CENPS: variants seen among roughly 807,000 people sequenced by gnomAD.
CENPS encodes the protein FANCM associated histone fold protein 1.
CENPS carries 16 observed loss-of-function variants against 17.9 expected under a neutral mutation model. That is an observed-to-expected ratio of 0.90 (90% CI 0.61 to 1.36). The LOEUF (loss-of-function observed/expected upper bound fraction) is 1.36. Ranked by LOEUF, CENPS falls within the 40% of genes most tolerant of loss-of-function variation. CENPS has a pLI of 0.00. For synonymous variants in CENPS, 49 were observed against 55.8 expected (o/e 0.88, Z 0.54); for missense variants, 160 against 158.6 (o/e 1.01, Z -0.05).
At chr1:10,441,841 G>T (rs1267000819) in intron 4 of CENPS, among the ~76,000 whole-genome samples, 2 of 150,206 alleles carry the variant, frequency 1.3e-5, no homozygotes, top group East Asian at 2.0e-4. Context: ...TAGCCAGGAT[G>T]GTCTCGATCT....
intron 3 of CENPS, among the ~76,000 whole-genome samples, chr1:10,435,710 T>TACACACACACACACACACACACACAC (rs778086497): frequency 2.1e-4 from 30 of 143,566 alleles, no homozygotes; most frequent in African/African-American, 7.0e-4. Context: ...ATAATATATA[T>TACACACACACACACACACACACACAC]ATATATACAC....
intron 1 of CENPS, chr1:10,431,194 A>G (rs964584138): frequency 1.5e-4 from 220 of 1,497,656 alleles, no homozygotes; most frequent in Non-Finnish European, 1.9e-4. Context: ...CGCCGGGCAT[A>G]TGGGGCGTCA....
At chr1:10,432,607 G>T (rs1639970781) in intron 1 of CENPS, among the ~76,000 whole-genome samples, 1 of 119,364 alleles carries the variant, frequency 8.4e-6, no homozygotes, top group Non-Finnish European at 1.8e-5. Flanking sequence ...GCCTCTAAGT[G>T]CAGTGATACC....
chr1:10,436,541 A>G (rs1219339683), intron 3 of CENPS, among the ~76,000 whole-genome samples: 2 of 96,188 alleles, frequency 2.1e-5, no homozygotes, highest in South Asian at 3.4e-4. Context: ...GTCTCCTAAA[A>G]TACAAAAAAA....
intron 1 of CENPS, among the ~76,000 whole-genome samples, chr1:10,433,262 G>A (rs571514452): frequency 6.6e-6 from 1 of 152,178 alleles, no homozygotes; most frequent in Non-Finnish European, 1.5e-5. Context: ...GAAAAGGTTT[G>A]CCAAGGAGCA....
chr1:10,440,619 ACT>A (rs1640366536), intron 4 of CENPS, among the ~76,000 whole-genome samples: 1 of 152,048 alleles, frequency 6.6e-6, no homozygotes, highest in South Asian at 2.1e-4. Context: ...TCTAATCAGC[ACT>A]CTCTGGATTT....
chr1:10,434,727 T>G, intron 3 of CENPS, 37 bp downstream of exon 3: 1 of 1,567,656 alleles, frequency 6.4e-7, no homozygotes, highest in Non-Finnish European at 8.6e-7. Context: ...ACTGCGTCTG[T>G]GTAGCTTTTT....
chr1:10,431,017 A>T, intron 1 of CENPS: 1 of 1,315,318 alleles, frequency 7.6e-7, no homozygotes, highest in Non-Finnish European at 9.7e-7. Context: ...CGCGGTGCGG[A>T]CCAGTCAGGC....
chr1:10,430,675 C>A, intron 1 of CENPS, 107 bp downstream of exon 1: 1 of 1,438,402 alleles, frequency 7.0e-7, no homozygotes, highest in Non-Finnish European at 9.1e-7. Flanking sequence ...ACCCCGCCCC[C>A]GGGCGCCCCC....
At chr1:10,434,044 G>A (rs981935090) in intron 2 of CENPS, 79 bp downstream of exon 2, 2 of 1,590,812 alleles carry the variant, frequency 1.3e-6, no homozygotes, top group African/African-American at 1.3e-5. Context: ...GTGGGTGGGA[G>A]CTGTGGCGAG....
chr1:10,436,952 T>A (rs964776808), intron 3 of CENPS, among the ~76,000 whole-genome samples: 1 of 152,174 alleles, frequency 6.6e-6, no homozygotes, highest in South Asian at 2.1e-4. Context: ...AAAATTGATA[T>A]TCCTGGAAGG....
At chr1:10,430,715 C>T (rs929133451) in intron 1 of CENPS, 147 bp downstream of exon 1, 3 of 1,412,114 alleles carry the variant, frequency 2.1e-6, no homozygotes, top group Non-Finnish European at 2.8e-6. Flanking sequence ...GCTTAACTGC[C>T]GCGGGTGGTG....
chr1:10,442,233 G>A (rs376453769), intron 4 of CENPS, 32 bp from the exon 5 acceptor site: 1 of 1,548,926 alleles, frequency 6.5e-7, no homozygotes, highest in Non-Finnish European at 8.6e-7. Context: ...AATGGTTACA[G>A]CCAGATATAA....
intron 4 of CENPS, among the ~76,000 whole-genome samples, chr1:10,441,203 T>G (rs1640392377): frequency 6.6e-6 from 1 of 152,100 alleles, no homozygotes; most frequent in South Asian, 2.1e-4. Flanking sequence ...TTTTTAAATT[T>G]TGGACATGCA....
chr1:10,432,322 T>C (rs992759358), intron 1 of CENPS, among the ~76,000 whole-genome samples: 33 of 151,550 alleles, frequency 2.2e-4, no homozygotes, highest in African/African-American at 7.0e-4. Flanking sequence ...TGACCTCAAG[T>C]GATCTGCCCG....
In CENPS at chr1:10,433,694, T is replaced by C. The variant is rs186912811; in HGVS notation, c.52-148T>C. The C allele has an allele frequency of 3.5e-5, 50 of 1,430,086 alleles. No individual in the cohort carries two copies. In the Middle Eastern group the frequency reaches 7.5e-4, roughly 21 times the overall value. The allele number at this position is 1,430,086 out of a possible 1,614,324, so 88.6% of individuals were successfully genotyped here. A position where few individuals can be genotyped will look rare whatever the true frequency, so the allele number is the denominator to read the frequency against. On this transcript the variant is annotated intron_variant, in intron 1 of 4. Transcript: ENST00000309048. ...CACTCCAGTGGGTCTCATTAACTTA[T>C]TAGTACACTTGAAAAGCCACTCAGC...
At chr1:10,431,314 C>T (rs1343230695) in intron 1 of CENPS, 5 of 1,535,176 alleles carry the variant, frequency 3.3e-6, no homozygotes, top group Non-Finnish European at 4.4e-6. Context: ...CGGGAGTTTC[C>T]TCTCTACAAA....
chr1:10,430,623 G>C, intron 1 of CENPS, 55 bp downstream of exon 1: 1 of 1,516,146 alleles, frequency 6.6e-7, no homozygotes, highest in Non-Finnish European at 8.8e-7. Context: ...CGAGTTTCTG[G>C]ACAGAAAAGT....
In CENPS at chr1:10,442,361, T is replaced by C. The variant is rs1306946443; in HGVS notation, c.373T>C (p.Ser125Pro). Residue 125 changes from serine (S) to proline (P), a missense_variant, in exon 5 of 5, where the codon TCA (serine) becomes CCA (proline). Ser to Pro is a moderately conservative substitution (Grantham distance 74). Transcript: ENST00000309048. ...KKKSEDGSKN[S>P]RQPAEAGVVE... is the part of the protein sequence containing the mutation. ...GAAGTCAGAGGATGGAAGCAAAAAT[T>C]CAAGGCAGCCAGCAGAGGCTGGAGT... 1.2e-6 allele frequency: 2 copies of C among 1,606,538 alleles called. No homozygotes were observed. Among genetic ancestry groups the C allele is most frequent in the East Asian group, 4.5e-5 (2 of 44,540 alleles).
Sources: allele counts gnomAD v4.1 joint callset (sites outside exome capture counted in the v4.1 genomes callset), GRCh38; gene constraint gnomAD v4.1.1; transcripts MANE v1.5; gene names NCBI Gene and HGNC (gene_info 2026-07-23, HGNC 2026-07-21).